Variants in TSPAN13 observed in about 807,000 individuals in gnomAD.
The protein encoded by TSPAN13 is tetraspanin 13, also known as tetraspanin-13.
In TSPAN13, 18 loss-of-function variants were observed where a neutral mutation model predicts 26.9. The ratio of observed to expected loss-of-function variants is 0.67; its 90% CI spans 0.46 to 0.99. The LOEUF (loss-of-function observed/expected upper bound fraction) is 0.99, where lower values mean the gene tolerates loss of function less well. TSPAN13 is among the 50% of genes least tolerant of loss of function. The pLI is 0.00. For missense variants in TSPAN13, 201 were observed against 249.6 expected, an observed-to-expected ratio of 0.81 and a Z score of 1.31; for synonymous variants, 116 against 98.4, an observed-to-expected ratio of 1.18 and a Z score of -1.06.
intron 1 of TSPAN13, among the ~76,000 whole-genome samples, chr7:16,754,787 T>G (rs979478892): frequency 2.0e-5 from 3 of 152,022 alleles, no homozygotes; most frequent in Non-Finnish European, 4.4e-5. Context: ...CAGGCTCTCT[T>G]TGTGATTTTT....
chr7:16,779,175 C>A, intron 5 of TSPAN13, 59 bp downstream of exon 5: 1 of 1,254,224 alleles, frequency 8.0e-7, no homozygotes, highest in Non-Finnish European at 1.1e-6. Flanking sequence ...TTTTGCATGA[C>A]AAAGGGCCTT....
intron 1 of TSPAN13, among the ~76,000 whole-genome samples, chr7:16,760,390 G>T (rs1784530055): frequency 6.6e-6 from 1 of 152,174 alleles, no homozygotes; most frequent in Non-Finnish European, 1.5e-5. Context: ...TACTGAAAGG[G>T]ACAAGTCACA....
In TSPAN13 at chr7:16,783,466, G is replaced by A. The variant is rs759861046; in HGVS notation, c.590G>A (p.Arg197His). ...AGATACAGGAACCAGAAAGACCCCC[G>A]CGCGAATCCTAGTGCATTCCTTTGA... ...TYRYRNQKDPRANPSAFL is the reference protein window; with the variant it reads ...TYRYRNQKDPHANPSAFL Residue 197 changes from arginine to histidine, a missense_variant, in exon 6 of 6, where the codon CGC becomes CAC. Coordinates refer to ENST00000262067, the MANE Select transcript of TSPAN13 (RefSeq NM_014399.4). The A allele has an allele frequency of 5.6e-6, 9 of 1,613,628 alleles. No homozygotes were observed. Among genetic ancestry groups the A allele is most frequent in the South Asian group, 1.1e-5 (1 of 91,046 alleles).
At chr7:16,767,792 T>G (rs1784623768) in intron 1 of TSPAN13, among the ~76,000 whole-genome samples, 2 of 152,246 alleles carry the variant, frequency 1.3e-5, no homozygotes, top group African/African-American at 4.8e-5. Context: ...ATTTAACATT[T>G]TTCATGTGTT....
chr7:16,773,586 G>T (rs1033866964), intron 1 of TSPAN13, among the ~76,000 whole-genome samples: 2 of 152,140 alleles, frequency 1.3e-5, no homozygotes, highest in African/African-American at 4.8e-5. Context: ...TTCTAATAGG[G>T]ATGTCTTGTC....
At chr7:16,764,134 C>G (rs570456380) in intron 1 of TSPAN13, among the ~76,000 whole-genome samples, 1 of 152,044 alleles carries the variant, frequency 6.6e-6, no homozygotes, top group Non-Finnish European at 1.5e-5. Context: ...TCTCCTGCCT[C>G]AGTCTTCTGA....
At chr7:16,779,992 G>A (rs1311135328) in intron 5 of TSPAN13, among the ~76,000 whole-genome samples, 1 of 151,946 alleles carries the variant, frequency 6.6e-6, no homozygotes, top group African/African-American at 2.4e-5. Context: ...AGGACGGTCT[G>A]GATCTCCTGA....
Position 16,764,541 on chromosome 7 carries a change from A to G in TSPAN13, c.63+10511A>G, listed in dbSNP as rs185421058. On this transcript the variant is annotated intron_variant, in intron 1 of 5. Transcript: ENST00000262067. ...TACGTGTATGTGACAAAATTTCTGA[A>G]TTAGATAAAAGTAAACAAGCACAAA... is the stretch of plus-strand genomic sequence containing the variant. 1.2e-3 allele frequency among the ~76,000 whole-genome samples: 178 copies of G among 152,140 alleles called. 1 individual carries two copies. The highest frequency in any genetic ancestry group is 2.9e-3 in the South Asian group (14 of 4,832).
In TSPAN13 at chr7:16,777,873, G is replaced by A; in HGVS notation, c.388G>A (p.Gly130Arg). ...NDIQRNLNCC[G>R]FRSVNPNDTC... ...CATCCAGAGAAATCTAAACTGCTGTGGGTTCCGAAGTGTTAACCCAAATGA... is the reference window on the plus strand; with the variant it reads ...CATCCAGAGAAATCTAAACTGCTGTAGGTTCCGAAGTGTTAACCCAAATGA... Residue 130 changes from glycine (G) to arginine (R), a missense_variant, in exon 4 of 6, where the codon GGG (glycine) becomes AGG (arginine). Coordinates refer to ENST00000262067, the MANE Select transcript of TSPAN13 (RefSeq NM_014399.4). 6.2e-7 allele frequency: 1 copy of A among 1,613,668 alleles called. No individual in the cohort carries two copies. Among genetic ancestry groups the A allele is most frequent in the Non-Finnish European group, 8.5e-7 (1 of 1,179,750 alleles).
intron 5 of TSPAN13, among the ~76,000 whole-genome samples, chr7:16,779,776 C>CT (rs34638889): frequency 0.33 from 47,020 of 143,012 alleles, 7,940 homozygotes; most frequent in Non-Finnish European, 0.38. Context: ...GATTAATATT[C>CT]TTTTTTTTTT....
intron 1 of TSPAN13, among the ~76,000 whole-genome samples, chr7:16,762,281 G>A (rs1166599044): frequency 6.6e-6 from 1 of 152,194 alleles, no homozygotes; most frequent in Admixed American, 6.5e-5. Flanking sequence ...AATATCATGT[G>A]CTCTTTGATT....
intron 5 of TSPAN13, 54 bp from the exon 6 acceptor site, chr7:16,783,363 A>G: frequency 2.0e-6 from 3 of 1,527,986 alleles, no homozygotes; most frequent in East Asian, 2.3e-5. Context: ...CTGAATAAAT[A>G]TACATAAATG....
chr7:16,754,019 C>T lies in TSPAN13; in HGVS notation c.52C>T (p.Leu18=). The stretch of plus-strand genomic sequence containing the variant: ...CAAGAACTGCCTGTGCGCCCTCAAC[C>T]TGCTTTACACCGTGAGTATCCCCAG... ...CSKNCLCALN[L]LYTLVSLLLI... is the part of the protein sequence containing the mutation. The change falls in exon 1 of 6, where the codon CTG becomes TTG. Residue 18 remains leucine, a synonymous_variant. Transcript: ENST00000262067. 6.2e-7 allele frequency: 1 copy of T among 1,613,806 alleles called. No homozygotes were observed. The highest frequency in any genetic ancestry group is 8.5e-7 in the Non-Finnish European group (1 of 1,179,826).
chr7:16,779,570 C>T (rs1476559130), intron 5 of TSPAN13, among the ~76,000 whole-genome samples: 7 of 151,672 alleles, frequency 4.6e-5, no homozygotes, highest in African/African-American at 1.7e-4. Context: ...TCCCCTGTTC[C>T]TAGCCTTCTA....
chr7:16,762,061 AT>A (rs35680191), intron 1 of TSPAN13, among the ~76,000 whole-genome samples: 1 of 152,186 alleles, frequency 6.6e-6, no homozygotes, highest in African/African-American at 2.4e-5. Flanking sequence ...CCTTGGAAGA[AT>A]TTTGGTACTA....
At position 16,783,914 on chromosome 7, in the gene TSPAN13, A is replaced by C. The variant is rs1784843259; in HGVS notation, c.*423A>C. On this transcript the variant is annotated 3_prime_UTR_variant, in exon 6 of 6. Transcript: ENST00000262067. ...AGAGTGGAAATTTATTAAAATCAGA[A>C]AGTATGAGATCCTGTTATGTTAAGG... The C allele has an allele frequency of 6.4e-6, 1 of 157,282 alleles. No individual in the cohort carries two copies. Among genetic ancestry groups the C allele is most frequent in the Non-Finnish European group, 1.4e-5 (1 of 71,144 alleles). The allele number at this position is 157,282 out of a possible 1,614,324, so 9.7% of individuals were successfully genotyped here. A position where few individuals can be genotyped will look rare whatever the true frequency, so the allele number is the denominator to read the frequency against.
At chr7:16,782,469 AT>A (rs1261490849) in intron 5 of TSPAN13, among the ~76,000 whole-genome samples, 2 of 152,222 alleles carry the variant, frequency 1.3e-5, no homozygotes, top group Non-Finnish European at 2.9e-5. Context: ...ATTTTATTCT[AT>A]TAAAATTTTG....
At position 16,777,175 on chromosome 7, in the gene TSPAN13, A is replaced by C; in HGVS notation, c.312+53A>C. On this transcript the variant is annotated intron_variant, in intron 3 of 5. Coordinates refer to ENST00000262067, the MANE Select transcript of TSPAN13 (RefSeq NM_014399.4). ...TATTATACCACATAGCATGAGTATG[A>C]AAAAAAGGAGGGTAATGATTAGAAT... 6.3e-6 allele frequency: 8 copies of C among 1,276,538 alleles called. No homozygotes were observed. In the South Asian group the frequency reaches 9.7e-5, roughly 16 times the overall value. 79.1% of individuals were successfully genotyped at this position (1,276,538 alleles called of 1,614,324 possible).
At chr7:16,757,641 G>A (rs1562515934) in intron 1 of TSPAN13, among the ~76,000 whole-genome samples, 1 of 152,136 alleles carries the variant, frequency 6.6e-6, no homozygotes, top group East Asian at 1.9e-4. Flanking sequence ...TTGCAGTTTT[G>A]TTTCTCCTGT....
Sources: allele counts gnomAD v4.1 joint callset (sites outside exome capture counted in the v4.1 genomes callset), GRCh38; gene constraint gnomAD v4.1.1; transcripts MANE v1.5; gene names NCBI Gene and HGNC (gene_info 2026-07-23, HGNC 2026-07-21).